Variants in GXYLT1 observed in about 807,000 individuals in gnomAD.
The protein encoded by GXYLT1 is glucoside xylosyltransferase 1, also known as glycosyltransferase 8 domain containing 3.
In GXYLT1, 29 loss-of-function variants were observed where a neutral mutation model predicts 54.0. That is an observed-to-expected ratio of 0.54 (90% CI 0.40 to 0.73). GXYLT1 has a LOEUF of 0.73. Ranked by LOEUF, GXYLT1 falls within the 30% of genes least tolerant of loss-of-function variation. GXYLT1 has a pLI of 0.00. For synonymous variants in GXYLT1, 176 were observed against 204.1 expected (o/e 0.86, Z 1.17); for missense variants, 490 against 553.4 (o/e 0.89, Z 1.15).
intron 3 of GXYLT1, among the ~76,000 whole-genome samples, chr12:42,111,515 C>G (rs947054687): frequency 6.6e-6 from 1 of 152,228 alleles, no homozygotes; most frequent in Non-Finnish European, 1.5e-5. Context: ...CCTATGCCCA[C>G]GGAGTCTGGC....
In GXYLT1 at chr12:42,105,956, A is replaced by T; in HGVS notation, c.726T>A (p.Ala242=). ...LLKKFNSTQI[A]AMAPEHEEPR... is the part of the protein sequence containing the mutation. ...GTTCCTCATGTTCTGGTGCCATTGC[A>T]GCAATTTGTGTGGAATTAAATTTCT... The change falls in exon 5 of 8, where the codon GCT becomes GCA. Residue 242 remains alanine (A), a synonymous_variant. Coordinates refer to ENST00000398675, the MANE Select transcript of GXYLT1 (RefSeq NM_173601.2). 6.2e-7 allele frequency: 1 copy of T among 1,614,150 alleles called. No individual in the cohort carries two copies. The highest frequency in any genetic ancestry group is 8.5e-7 in the Non-Finnish European group (1 of 1,179,978).
intron 2 of GXYLT1, among the ~76,000 whole-genome samples, chr12:42,124,237 C>G (rs1033508649): frequency 2.0e-5 from 3 of 151,770 alleles, no homozygotes; most frequent in African/African-American, 7.3e-5. Context: ...AATCTAAAAT[C>G]AATTCCCACC....
At chr12:42,108,711 T>C (rs1243476673) in intron 4 of GXYLT1, among the ~76,000 whole-genome samples, 3 of 152,198 alleles carry the variant, frequency 2.0e-5, no homozygotes, top group African/African-American at 7.2e-5. Flanking sequence ...ATCTTACAGA[T>C]ATCCTGGATT....
At chr12:42,123,541 T>A (rs975413102) in intron 2 of GXYLT1, among the ~76,000 whole-genome samples, 19 of 152,162 alleles carry the variant, frequency 1.2e-4, no homozygotes, top group African/African-American at 4.6e-4. Flanking sequence ...CAAATTTAGA[T>A]GCAAATACTG....
intron 1 of GXYLT1, among the ~76,000 whole-genome samples, chr12:42,130,526 C>T (rs1169367830): frequency 6.6e-6 from 1 of 152,074 alleles, no homozygotes; most frequent in Non-Finnish European, 1.5e-5. Context: ...CTGGTAGGAA[C>T]ATACATTACT....
chr12:42,114,402 AAG>A (rs1431789924), intron 3 of GXYLT1, among the ~76,000 whole-genome samples: 1 of 152,202 alleles, frequency 6.6e-6, no homozygotes, highest in African/African-American at 2.4e-5. Flanking sequence ...CAAAGAAGAA[AAG>A]AGAGAAGAAT....
intron 3 of GXYLT1, among the ~76,000 whole-genome samples, chr12:42,111,904 C>A (rs2065459173): frequency 6.6e-6 from 1 of 152,202 alleles, no homozygotes; most frequent in Non-Finnish European, 1.5e-5. Flanking sequence ...GGCGGACTGA[C>A]ACCTCACACA....
rs1325871269 is a variant in GXYLT1, at chr12:42,105,847, T to C, written c.835A>G (p.Met279Val). The change falls in exon 5 of 8, where the codon ATG (methionine) becomes GTG (valine). Residue 279 changes from methionine to valine, a missense_variant. By Grantham distance (21) the Met-to-Val change is conservative. Coordinates refer to ENST00000398675, the MANE Select transcript of GXYLT1 (RefSeq NM_173601.2). ...AAATACTTCCTTCTCATTCGAGTCA[T>C]GTTCATCAACATAACTCCAGAGTTT... is the stretch of plus-strand genomic sequence containing the variant. ...GVNSGVMLMN[M>V]TRMRRKYFKN... The C allele has an allele frequency of 6.2e-7, 1 of 1,613,174 alleles. No individual in the cohort carries two copies. The highest frequency in any genetic ancestry group is 1.7e-5 in the Admixed American group (1 of 59,968).
rs547839368 is a variant in GXYLT1, at chr12:42,107,544, A to C, written c.613-1475T>G. Among the ~76,000 whole-genome samples the C allele has an allele frequency of 2.6e-5, 4 of 152,240 alleles. No individual in the cohort carries two copies. The South Asian group carries it at 6.2e-4, about 24-fold the overall frequency. ...TGTCTCTACTAAAAATACAAAAATT[A>C]GCCAGGTGTGGTGGCGCATGCCTGT... is the stretch of plus-strand genomic sequence containing the variant. On this transcript the variant is annotated intron_variant, in intron 4 of 7. Coordinates refer to ENST00000398675, the MANE Select transcript of GXYLT1 (RefSeq NM_173601.2).
intron 1 of GXYLT1, among the ~76,000 whole-genome samples, chr12:42,131,716 T>G (rs1178065822): frequency 6.6e-6 from 1 of 152,216 alleles, no homozygotes; most frequent in Non-Finnish European, 1.5e-5. Flanking sequence ...GTTTGTACCC[T>G]CTCAGGCATG....
intron 7 of GXYLT1, among the ~76,000 whole-genome samples, chr12:42,088,871 G>C (rs1463550685): frequency 7.1e-5 from 3 of 42,296 alleles, no homozygotes; most frequent in African/African-American, 1.8e-4. Flanking sequence ...AGCACGCTGA[G>C]GGAGAGGAAA....
At chr12:42,139,053 C>A (rs2136922312) in intron 1 of GXYLT1, among the ~76,000 whole-genome samples, 1 of 150,860 alleles carries the variant, frequency 6.6e-6, no homozygotes, top group African/African-American at 2.4e-5. Context: ...AAAAAAAAGC[C>A]AGGTGTGGTG....
chr12:42,113,960 T>C (rs1276812693), intron 3 of GXYLT1, among the ~76,000 whole-genome samples: 1 of 151,964 alleles, frequency 6.6e-6, no homozygotes, highest in African/African-American at 2.4e-5. Context: ...AAACTAGAAC[T>C]CAGGATTAAG....
intron 3 of GXYLT1, among the ~76,000 whole-genome samples, chr12:42,113,380 G>A (rs1030945284): frequency 2.0e-5 from 3 of 150,928 alleles, no homozygotes; most frequent in Admixed American, 2.0e-4. Context: ...CTGTATTCAG[G>A]AAACCCATCT....
intron 3 of GXYLT1, among the ~76,000 whole-genome samples, chr12:42,116,272 T>A (rs972579800): frequency 1.3e-5 from 2 of 151,834 alleles, no homozygotes; most frequent in African/African-American, 4.8e-5. Flanking sequence ...AAGCCAAAAT[T>A]GACAAATGGG....
intron 2 of GXYLT1, among the ~76,000 whole-genome samples, chr12:42,121,565 C>T (rs924017683): frequency 6.6e-6 from 1 of 151,814 alleles, no homozygotes; most frequent in Admixed American, 6.6e-5. Context: ...AGGAGTCCGA[C>T]GTTGCAGTGA....
chr12:42,084,962 T>C lies in GXYLT1; in HGVS notation c.*2824A>G, dbSNP rs898111775. The C allele has an allele frequency of 3.7e-5, 2 of 54,276 alleles. No individual in the cohort carries two copies. The highest frequency in any genetic ancestry group is 8.9e-5 in the Non-Finnish European group (2 of 22,374). The allele number at this position is 54,276 out of a possible 1,614,324, so 3.4% of individuals were successfully genotyped here. On this transcript the variant is annotated 3_prime_UTR_variant, in exon 8 of 8. Coordinates refer to ENST00000398675, the MANE Select transcript of GXYLT1 (RefSeq NM_173601.2). Reference sequence around the variant, plus strand: ...AGAATACATAGACTCAAATAATAAATCATGTAGTTTATATAAACTGCATAG... The same window carrying C: ...AGAATACATAGACTCAAATAATAAACCATGTAGTTTATATAAACTGCATAG...
intron 3 of GXYLT1, among the ~76,000 whole-genome samples, chr12:42,111,129 T>C (rs573298535): frequency 6.6e-6 from 1 of 152,290 alleles, no homozygotes; most frequent in Non-Finnish European, 1.5e-5. Context: ...TTCCTCAATA[T>C]TTTAAAAAAC....
intron 1 of GXYLT1, among the ~76,000 whole-genome samples, chr12:42,133,272 T>C (rs1262767891): frequency 6.6e-6 from 1 of 152,128 alleles, no homozygotes; most frequent in Non-Finnish European, 1.5e-5. Flanking sequence ...AGAAAGACTC[T>C]GTCTCAAAAA....
Sources: gnomAD v4.1 joint callset for allele counts (sites outside exome capture counted in the v4.1 genomes callset) on GRCh38, gnomAD v4.1.1 for gene constraint, MANE v1.5 for transcripts, NCBI Gene and HGNC (gene_info 2026-07-23, HGNC 2026-07-21) for gene names.